The following SCUBE3 variants were observed in gnomAD, a reference collection of about 807,000 sequenced individuals.
SCUBE3 encodes the protein signal peptide, CUB domain and EGF like domain containing 3, also known as signal peptide, CUB and EGF-like domain-containing protein 3.
SCUBE3 carries 33 observed loss-of-function variants against 116.8 expected under a neutral mutation model. That is an observed-to-expected ratio of 0.28 (90% confidence interval 0.21 to 0.38). The LOEUF (loss-of-function observed/expected upper bound fraction) is 0.38, where lower values mean the gene tolerates loss of function less well. Ranked by LOEUF, SCUBE3 falls within the 10% of genes least tolerant of loss-of-function variation. The pLI is 1.00. For missense variants in SCUBE3, 1,007 were observed against 1,324.8 expected, an observed-to-expected ratio of 0.76 and a Z score of 3.72; for synonymous variants, 418 against 496.9, an observed-to-expected ratio of 0.84 and a Z score of 2.11.
rs1017034376 is a variant in SCUBE3 at position 35,245,912 on chromosome 6, C to G, written c.2600-32C>G. On this transcript the variant is annotated intron_variant, in intron 19 of 21. Coordinates refer to ENST00000274938, the MANE Select transcript of SCUBE3 (RefSeq NM_152753.4). The surrounding 1 kb of genome is among the most constrained non-coding windows in gnomAD (Gnocchi z 4.2). Reference sequence around the variant, plus strand: ...AGGAGGGCTTGGGTAGCCTGCCCTGCTGCTCTACTGACCTGCTGCTTGCCT... The same window carrying G: ...AGGAGGGCTTGGGTAGCCTGCCCTGGTGCTCTACTGACCTGCTGCTTGCCT... The G allele has an allele frequency of 1.2e-6, 2 of 1,610,686 alleles. No homozygotes were observed. Among genetic ancestry groups the G allele is most frequent in the African/African-American group, 2.7e-5 (2 of 74,980 alleles).
At chr6:35,224,955 A>G (rs1227267893) in intron 1 of SCUBE3, among the ~76,000 whole-genome samples, 2 of 152,190 alleles carry the variant, frequency 1.3e-5, no homozygotes, top group East Asian at 1.9e-4. Context: ...GAAATGTTCC[A>G]TATCTATGCT....
chr6:35,231,333 G>A lies in SCUBE3; in HGVS notation c.335-392G>A, dbSNP rs181266568. On this transcript the variant is annotated intron_variant, in intron 3 of 21. Transcript: ENST00000274938. This position sits in a 1 kb window ranked among gnomAD's most constrained non-coding sequence, Gnocchi z 4.2. Reference sequence around the variant, plus strand: ...ATTCCCTGGCTGCTCATTGCAACCAGCTGCAACCCCCAGTTACCTATCCGA... The same window carrying A: ...ATTCCCTGGCTGCTCATTGCAACCAACTGCAACCCCCAGTTACCTATCCGA... Among the ~76,000 whole-genome samples, 3 of 152,282 alleles carry A rather than the reference G, an allele frequency of 2.0e-5. No individual in the cohort carries two copies. Among genetic ancestry groups the A allele is most frequent in the Admixed American group, 2.0e-4 (3 of 15,302 alleles).
Position 35,248,797 on chromosome 6 carries a change from T to G in SCUBE3, c.*92T>G. 1.0e-6 allele frequency: 1 copy of G among 979,850 alleles called. No homozygotes were observed. The highest frequency in any genetic ancestry group is 1.5e-6 in the Non-Finnish European group (1 of 647,996). 60.7% of individuals were successfully genotyped at this position (979,850 alleles called of 1,614,324 possible). A position where few individuals can be genotyped will look rare whatever the true frequency, so the allele number is the denominator to read the frequency against. ...CCCTACCCTCAGACAAGGAACTCTC[T>G]CCTCTCTTTTTGGAGGGAAAAAAAA... On this transcript the variant is annotated 3_prime_UTR_variant, in exon 22 of 22. Transcript: ENST00000274938.
chr6:35,215,303 G>T (rs1038417530), intron 1 of SCUBE3, among the ~76,000 whole-genome samples: 3 of 152,002 alleles, frequency 2.0e-5, no homozygotes, highest in African/African-American at 7.2e-5. Context: ...GAGGCCTCCC[G>T]CCCCCGTCCC....
chr6:35,228,574 G>A lies in SCUBE3; in HGVS notation c.209-40G>A, dbSNP rs200711827. ...GAGTCTGGGGGTGGACAGTGGGTTC[G>A]CAGGTGGGTTCAGCTGTCTCAGCTT... On this transcript the variant is annotated intron_variant, in intron 2 of 21. Coordinates refer to ENST00000274938, the MANE Select transcript of SCUBE3 (RefSeq NM_152753.4). The surrounding 1 kb of genome is among the most constrained non-coding windows in gnomAD (Gnocchi z 4.9). 8 of 1,608,406 alleles carry A rather than the reference G, an allele frequency of 5.0e-6. No homozygotes were observed. In the African/African-American group the frequency reaches 6.7e-5, roughly 13 times the overall value.
In SCUBE3 at chr6:35,241,751, C is replaced by T; in HGVS notation, c.1313-55C>T. 1 of 1,528,434 alleles carries T rather than the reference C, an allele frequency of 6.5e-7. No homozygotes were observed. Among genetic ancestry groups the T allele is most frequent in the Non-Finnish European group, 9.1e-7 (1 of 1,101,864 alleles). 94.7% of individuals were successfully genotyped at this position (1,528,434 alleles called of 1,614,324 possible). A position where few individuals can be genotyped will look rare whatever the true frequency, so the allele number is the denominator to read the frequency against. On this transcript the variant is annotated intron_variant, in intron 11 of 21. Coordinates refer to ENST00000274938, the MANE Select transcript of SCUBE3 (RefSeq NM_152753.4). This position sits in a 1 kb window ranked among gnomAD's most constrained non-coding sequence, Gnocchi z 4.1. ...CTCCTTCATTCCCCCTGGATTCCTC[C>T]AGCCAGCGGGGGTTGGGAAGGCAGG...
rs914512933 is a variant in SCUBE3 at position 35,235,553 on chromosome 6, G to A, written c.712+2252G>A. 38 of 993,324 alleles carry A rather than the reference G, an allele frequency of 3.8e-5. No homozygotes were observed. The highest frequency in any genetic ancestry group is 2.5e-4 in the African/African-American group (15 of 60,798). 61.5% of individuals were successfully genotyped at this position (993,324 alleles called of 1,614,324 possible). The stretch of plus-strand genomic sequence containing the variant: ...GGCTTGCTAGGGGAAGGGCTAACCC[G>A]CTGGGGCTCCCACTAACTGCATGCC... On this transcript the variant is annotated intron_variant, in intron 6 of 21. Coordinates refer to ENST00000274938, the MANE Select transcript of SCUBE3 (RefSeq NM_152753.4). The surrounding 1 kb of genome is among the most constrained non-coding windows in gnomAD (Gnocchi z 4.5).
Position 35,227,679 on chromosome 6 carries a change from C to T in SCUBE3, c.185C>T (p.Thr62Ile), listed in dbSNP as rs1423745982. 2 of 1,614,020 alleles carry T rather than the reference C, an allele frequency of 1.2e-6. No individual in the cohort carries two copies. Among genetic ancestry groups the T allele is most frequent in the East Asian group, 2.2e-5 (1 of 44,898 alleles). The stretch of plus-strand genomic sequence containing the variant: ...AAGTGCATCTGCAAGTCTGGCTACA[C>T]AGGGGACGGCAAACACTGCAAAGGT... ...SYKCICKSGY[T>I]GDGKHCKDVD... Residue 62 changes from threonine to isoleucine, a missense_variant, in exon 2 of 22, where the codon ACA (threonine) becomes ATA (isoleucine). Transcript: ENST00000274938.
In SCUBE3 at chr6:35,246,038, C is replaced by T. The variant is rs780127457; in HGVS notation, c.2694C>T (p.Phe898=). 7 of 1,614,180 alleles carry T rather than the reference C, an allele frequency of 4.3e-6. No homozygotes were observed. The highest frequency in any genetic ancestry group is 5.9e-6 in the Non-Finnish European group (7 of 1,180,030). The part of the protein sequence containing the change: ...TARSRKLWIN[F]KTSEANSARG... Reference sequence around the variant, plus strand: ...GTTCCAGGAAGCTCTGGATCAACTTCAAGACAAGCGAGGCCAACAGCGCCC... The same window carrying T: ...GTTCCAGGAAGCTCTGGATCAACTTTAAGACAAGCGAGGCCAACAGCGCCC... Residue 898 remains phenylalanine, a synonymous_variant, in exon 20 of 22, where the codon TTC becomes TTT. Transcript: ENST00000274938.
intron 14 of SCUBE3, 103 bp downstream of exon 14, chr6:35,242,883 G>A (rs1784135498): frequency 6.6e-7 from 1 of 1,518,250 alleles, no homozygotes; most frequent in South Asian, 1.2e-5. Flanking sequence ...CCTGTACTAG[G>A]GGCAGACCCT....
At position 35,239,730 on chromosome 6, in the gene SCUBE3, C is replaced by T. The variant is rs748900290; in HGVS notation, c.830-22C>T. The T allele has an allele frequency of 2.5e-6, 4 of 1,607,550 alleles. No individual in the cohort carries two copies. The East Asian group carries it at 9.0e-5, about 36-fold the overall frequency. ...TCAGCCTTTGATAGTATCTTTTATC[C>T]TGTTTTGTCCTCCTTCTTCAGATAT... is the stretch of plus-strand genomic sequence containing the variant. On this transcript the variant is annotated intron_variant, in intron 7 of 21. Transcript: ENST00000274938. The surrounding 1 kb of genome is among the most constrained non-coding windows in gnomAD (Gnocchi z 4.1).
intron 6 of SCUBE3, among the ~76,000 whole-genome samples, chr6:35,236,604 G>A (rs1783784732): frequency 6.6e-6 from 1 of 152,192 alleles, no homozygotes; most frequent in African/African-American, 2.4e-5. Context: ...GGCATTTGAG[G>A]GACCAGGGCA....
intron 2 of SCUBE3, among the ~76,000 whole-genome samples, chr6:35,227,987 C>T (rs1783395885): frequency 6.6e-6 from 1 of 152,196 alleles, no homozygotes. Flanking sequence ...ACCTGAGGTT[C>T]CCTGACATTG....
chr6:35,242,843 A>C, intron 14 of SCUBE3, 63 bp downstream of exon 14: 1 of 1,582,100 alleles, frequency 6.3e-7, no homozygotes, highest in Non-Finnish European at 8.7e-7. Flanking sequence ...GGGAAACCAC[A>C]GGTCTCAGCA....
chr6:35,230,189 T>G (rs1451954633), intron 3 of SCUBE3, among the ~76,000 whole-genome samples: 1 of 152,224 alleles, frequency 6.6e-6, no homozygotes, highest in Non-Finnish European at 1.5e-5. Context: ...GGGCCTCTTA[T>G]GAAACTCCTT....
chr6:35,244,653 A>G lies in SCUBE3; in HGVS notation c.2243A>G (p.Gln748Arg). Residue 748 changes from glutamine to arginine, a missense_variant, in exon 18 of 22, where the codon CAG (glutamine) becomes CGG (arginine). Coordinates refer to ENST00000274938, the MANE Select transcript of SCUBE3 (RefSeq NM_152753.4). This position sits in a 1 kb window ranked among gnomAD's most constrained non-coding sequence, Gnocchi z 4.3. Reference protein sequence around the residue: ...ISFQDCDTKVQCSPGHYYNTS... With the variant: ...ISFQDCDTKVRCSPGHYYNTS... ...TGCCCTTCTCCCTTGCCTACAGTCC[A>G]GTGCTCCCCAGGGCACTACTACAAC... The G allele has an allele frequency of 6.2e-7, 1 of 1,613,994 alleles. No homozygotes were observed. The highest frequency in any genetic ancestry group is 8.5e-7 in the Non-Finnish European group (1 of 1,179,916).
In SCUBE3 at chr6:35,231,636, C is replaced by G. The variant is rs764381433; in HGVS notation, c.335-89C>G. On this transcript the variant is annotated intron_variant, in intron 3 of 21. Transcript: ENST00000274938. The surrounding 1 kb of genome is among the most constrained non-coding windows in gnomAD (Gnocchi z 4.2). ...AGGCTGGGCTTAGGGGGTAGTAGTT[C>G]TTAAGACTGCCTTTGGTGCTGAAGT... 5.6e-6 allele frequency: 7 copies of G among 1,241,766 alleles called. No individual in the cohort carries two copies. Among genetic ancestry groups the G allele is most frequent in the Admixed American group, 2.2e-5 (1 of 46,304 alleles). The allele number at this position is 1,241,766 out of a possible 1,614,324, so 76.9% of individuals were successfully genotyped here.
In SCUBE3 at chr6:35,218,256, CAG is replaced by C. The variant is rs1231855032; in HGVS notation, c.85+3754_85+3755del. On this transcript the variant is annotated intron_variant, in intron 1 of 21. Coordinates refer to ENST00000274938, the MANE Select transcript of SCUBE3 (RefSeq NM_152753.4). ...CACGTGTGAATGTGTGTGCATGACT[CAG>C]GGTGTGTGTGTGTGTGAAGTGCTCT... The C allele has an allele frequency of 4.7e-5, 23 of 488,772 alleles. No individual in the cohort carries two copies. In the East Asian group the frequency reaches 9.1e-4, roughly 19 times the overall value. The allele number at this position is 488,772 out of a possible 1,614,324, so 30.3% of individuals were successfully genotyped here. A position where few individuals can be genotyped will look rare whatever the true frequency, so the allele number is the denominator to read the frequency against.
rs1214752483 is a variant in SCUBE3 at position 35,244,784 on chromosome 6, G to A, written c.2374G>A (p.Gly792Ser). The A allele has an allele frequency of 6.2e-7, 1 of 1,614,228 alleles. No individual in the cohort carries two copies. The change falls in exon 18 of 22, where the codon GGC (glycine) becomes AGC (serine). Residue 792 changes from glycine to serine, a missense_variant. Physicochemically the swap from Gly to Ser is moderately conservative, Grantham distance 56 (BLOSUM62 0). This residue lies in a region of SCUBE3 where 544 missense variants were observed against 638.9 expected (regional missense o/e 0.85). Transcript: ENST00000274938. This position sits in a 1 kb window ranked among gnomAD's most constrained non-coding sequence, Gnocchi z 4.3. ...AGGAAACACAAGCACAGACTTTGAT[G>A]GCTCTACCAGTGTGGCCCAATGCAA... The part of the protein sequence containing the change: ...CPGNTSTDFD[G>S]STSVAQCKNR...
Sources: allele counts gnomAD v4.1 joint callset (sites outside exome capture counted in the v4.1 genomes callset), GRCh38; gene constraint gnomAD v4.1.1; regional missense constraint gnomAD v4.1.1; non-coding constraint Gnocchi (gnomAD v3.1); transcripts MANE v1.5; gene names NCBI Gene and HGNC (gene_info 2026-07-23, HGNC 2026-07-21).